DMD: variants seen among roughly 807,000 people sequenced by gnomAD.
The protein encoded by DMD is mutant dystrophin.
Under a neutral mutation model 330.1 loss-of-function variants are expected in DMD, and 63 were observed. The observed-to-expected ratio is 0.19, with a 90% CI of 0.16 to 0.24. DMD has a LOEUF of 0.24. Ranked by LOEUF, DMD falls within the 10% of genes least tolerant of loss-of-function variation. DMD has a pLI of 1.00. For missense variants in DMD, 3,344 were observed against 2,684.1 expected (o/e 1.25, Z -5.43); for synonymous variants, 1,223 against 959.8 (o/e 1.27, Z -5.07).
chrX:33,069,546 T>G (rs772190679), intron 1 of DMD, among the ~76,000 whole-genome samples: 1 of 111,843 alleles, frequency 8.9e-6, no homozygotes, highest in East Asian at 2.8e-4. Context: ...TGAGCAATTA[T>G]AGCCTAACAC....
intron 44 of DMD, among the ~76,000 whole-genome samples, chrX:32,148,888 G>C (rs770243567): frequency 9.0e-6 from 1 of 111,638 alleles, no homozygotes; most frequent in South Asian, 3.7e-4. Context: ...ATAAATTGCA[G>C]CAATTTTACC....
chrX:32,686,575 A>G (rs1478787047), intron 9 of DMD, among the ~76,000 whole-genome samples: 2 of 106,980 alleles, frequency 1.9e-5, no homozygotes, highest in East Asian at 2.8e-4. Context: ...AAAAAAAAAA[A>G]AAAAAAAGAA....
At chrX:33,009,154 GTATATA>G (rs1569548824) in intron 2 of DMD, among the ~76,000 whole-genome samples, 2 of 20,176 alleles carry the variant, frequency 9.9e-5, no homozygotes, top group Admixed American at 5.0e-4. Flanking sequence ...GTATATATAC[GTATATA>G]TGTATATATA....
At chrX:32,935,487 T>C (rs1232539225) in intron 2 of DMD, among the ~76,000 whole-genome samples, 1 of 112,211 alleles carries the variant, frequency 8.9e-6, no homozygotes, top group East Asian at 2.8e-4. Context: ...TTCTTACATG[T>C]GATCATAGTT....
chrX:31,668,787 G>A (rs952349405), intron 53 of DMD, among the ~76,000 whole-genome samples: 8 of 111,117 alleles, frequency 7.2e-5, no homozygotes, highest in Non-Finnish European at 1.5e-4. Flanking sequence ...ACAGCCTCTG[G>A]TAACCACCAT....
At chrX:32,900,874 G>T (rs769433159) in intron 2 of DMD, among the ~76,000 whole-genome samples, 7 of 111,323 alleles carry the variant, frequency 6.3e-5, no homozygotes, top group Admixed American at 1.9e-4. Flanking sequence ...TGTTAAAATT[G>T]CAAATGACAT....
chrX:31,548,941 T>TA (rs1569550803), intron 55 of DMD, among the ~76,000 whole-genome samples: 26 of 108,083 alleles, frequency 2.4e-4, no homozygotes, highest in East Asian at 8.6e-4. Context: ...CTGATTTTTT[T>TA]TAAAAAAAAA....
At chrX:32,614,585 GATGT>G in intron 11 of DMD, 132 bp from the exon 12 acceptor site, 1 of 545,666 alleles carries the variant, frequency 1.8e-6, no homozygotes, top group Non-Finnish European at 3.0e-6. Context: ...CATTGAGAAG[GATGT>G]AAGTAAAGCC....
At chrX:32,130,894 AC>A (rs2096689722) in intron 44 of DMD, among the ~76,000 whole-genome samples, 1 of 112,089 alleles carries the variant, frequency 8.9e-6, no homozygotes, top group Admixed American at 9.5e-5. Context: ...AATTGTTATT[AC>A]TTTTTAATGC....
At chrX:32,315,979 C>T (rs566534728) in intron 41 of DMD, among the ~76,000 whole-genome samples, 2 of 111,396 alleles carry the variant, frequency 1.8e-5, no homozygotes, top group Admixed American at 1.9e-4. Context: ...TCATTTTTTA[C>T]AAACTTTTAA....
intron 55 of DMD, among the ~76,000 whole-genome samples, chrX:31,596,434 C>T (rs1320070943): frequency 8.9e-6 from 1 of 111,992 alleles, no homozygotes; most frequent in Non-Finnish European, 1.9e-5. Context: ...TTGACAGATA[C>T]TACTCTGATA....
chrX:32,390,864 T>G (rs973654451), intron 30 of DMD, among the ~76,000 whole-genome samples: 1 of 111,275 alleles, frequency 9.0e-6, no homozygotes, highest in Non-Finnish European at 1.9e-5. Flanking sequence ...TTCAGTTAAA[T>G]TTCAGGGAAG....
chrX:32,383,822 C>T (rs1055787146), intron 33 of DMD, among the ~76,000 whole-genome samples: 7 of 109,623 alleles, frequency 6.4e-5, no homozygotes, highest in Admixed American at 2.0e-4. Flanking sequence ...CACTATTATT[C>T]GTCTAATGTC....
intron 13 of DMD, among the ~76,000 whole-genome samples, chrX:32,594,263 G>A (rs1411175427): frequency 1.8e-5 from 2 of 111,465 alleles, no homozygotes; most frequent in East Asian, 5.7e-4. Flanking sequence ...TCCCCCATCT[G>A]TACCTCTTTA....
chrX:33,184,069 G>A lies in DMD; in HGVS notation c.31+27213C>T, dbSNP rs375102608. ...AGCTAAGGAGTCTGATATCAATAGC[G>A]TACATTATTTTACCTTTGTTGAATG... On this transcript the variant is annotated intron_variant, in intron 1 of 78. Transcript: ENST00000357033. Among the ~76,000 whole-genome samples the A allele has an allele frequency of 5.4e-4, 60 of 111,606 alleles. 1 individual carries two copies. The highest frequency in any genetic ancestry group is 4.5e-3 in the South Asian group (12 of 2,651).
intron 1 of DMD, among the ~76,000 whole-genome samples, chrX:33,305,377 T>C (rs1230783163): frequency 2.4e-5 from 2 of 84,946 alleles, no homozygotes. Context: ...TGAGAACACA[T>C]GGACGCAGGA....
chrX:32,328,601 T>C (rs917680959), intron 41 of DMD, among the ~76,000 whole-genome samples: 1 of 110,551 alleles, frequency 9.0e-6, no homozygotes, highest in East Asian at 2.8e-4. Flanking sequence ...TATAGAAACT[T>C]AGCAGGAATG....
intron 54 of DMD, among the ~76,000 whole-genome samples, chrX:31,636,878 T>A (rs2079446099): frequency 9.0e-6 from 1 of 111,619 alleles, no homozygotes; most frequent in Admixed American, 9.6e-5. Flanking sequence ...AAAGAAGGCA[T>A]TACAGGCATT....
intron 11 of DMD, among the ~76,000 whole-genome samples, chrX:32,623,160 T>A (rs1050296680): frequency 5.4e-5 from 6 of 111,530 alleles, no homozygotes; most frequent in African/African-American, 1.6e-4. Context: ...AAATAACTAG[T>A]AATGAAGAGG....
Sources: allele counts gnomAD v4.1 joint callset (sites outside exome capture counted in the v4.1 genomes callset), GRCh38; gene constraint gnomAD v4.1.1; transcripts MANE v1.5; gene names NCBI Gene and HGNC (gene_info 2026-07-23, HGNC 2026-07-21).